Variants in HS3ST3A1 observed in about 807,000 individuals in gnomAD.
The protein encoded by HS3ST3A1 is heparan sulfate-glucosamine 3-sulfotransferase 3A1, also known as heparan sulfate glucosamine 3-O-sulfotransferase 3A1.
Under a neutral mutation model 25.7 loss-of-function variants are expected in HS3ST3A1, and 19 were observed. That is an observed-to-expected ratio of 0.74 (90% CI 0.52 to 1.08). The LOEUF is 1.08. Among genes scored for constraint, HS3ST3A1 ranks in the 50% least tolerant of loss-of-function variants. The pLI, the probability that HS3ST3A1 is intolerant of heterozygous loss-of-function variation, is 0.00. For missense variants in HS3ST3A1, 459 were observed against 594.3 expected (o/e 0.77, Z 2.37); for synonymous variants, 226 against 278.6 (o/e 0.81, Z 1.88).
At chr17:13,556,543 A>C (rs1051262325) in intron 1 of HS3ST3A1, among the ~76,000 whole-genome samples, 16 of 86,070 alleles carry the variant, frequency 1.9e-4, no homozygotes, top group African/African-American at 1.2e-3. Flanking sequence ...TAAAATAAAT[A>C]GATAAAAAAT....
chr17:13,598,915 A>G (rs1308141976), intron 1 of HS3ST3A1, among the ~76,000 whole-genome samples: 1 of 152,234 alleles, frequency 6.6e-6, no homozygotes, highest in East Asian at 1.9e-4. Context: ...ATAGCACCTC[A>G]GAGCCCAACA....
intron 1 of HS3ST3A1, among the ~76,000 whole-genome samples, chr17:13,533,409 A>C (rs1212887766): frequency 1.3e-5 from 2 of 152,134 alleles, no homozygotes; most frequent in East Asian, 1.9e-4. Context: ...CTTGTTTGGA[A>C]GGAGAAAGGT....
chr17:13,546,140 T>C (rs1907083507), intron 1 of HS3ST3A1, among the ~76,000 whole-genome samples: 1 of 152,174 alleles, frequency 6.6e-6, no homozygotes, highest in Middle Eastern at 3.2e-3. Context: ...GTGGACCAAC[T>C]CCTCACCACT....
intron 1 of HS3ST3A1, among the ~76,000 whole-genome samples, chr17:13,536,854 A>G (rs760700536): frequency 1.3e-5 from 2 of 152,142 alleles, no homozygotes; most frequent in Non-Finnish European, 2.9e-5. Flanking sequence ...TTTCTTTTTA[A>G]CAAGGATCCC....
intron 1 of HS3ST3A1, among the ~76,000 whole-genome samples, chr17:13,564,880 C>T (rs79211332): frequency 0.012 from 1,832 of 151,990 alleles, 38 homozygotes; most frequent in African/African-American, 0.041. Context: ...CATGCCACCA[C>T]CCGGCTAATT....
chr17:13,551,582 C>T (rs1245591846), intron 1 of HS3ST3A1, among the ~76,000 whole-genome samples: 2 of 139,504 alleles, frequency 1.4e-5, no homozygotes, highest in Admixed American at 1.5e-4. Context: ...TGGCTCTAAA[C>T]GATTTTCCCT....
chr17:13,564,694 G>C (rs937406687), intron 1 of HS3ST3A1, among the ~76,000 whole-genome samples: 11 of 147,566 alleles, frequency 7.5e-5, no homozygotes, highest in Admixed American at 2.0e-4. Context: ...AATGTCCCCT[G>C]TGCTTAGAAA....
At chr17:13,579,701 C>CAAAAAAAAA (rs543748713) in intron 1 of HS3ST3A1, among the ~76,000 whole-genome samples, 1 of 23,666 alleles carries the variant, frequency 4.2e-5, no homozygotes, top group African/African-American at 1.9e-4. Context: ...ACTCCATCTC[C>CAAAAAAAAA]AAAAAAAAAA....
At chr17:13,513,661 AT>A (rs1269849225) in intron 1 of HS3ST3A1, among the ~76,000 whole-genome samples, 5 of 152,246 alleles carry the variant, frequency 3.3e-5, no homozygotes, top group Non-Finnish European at 7.3e-5. Context: ...CATTCTTGTC[AT>A]TAATTACACA....
At chr17:13,496,998 G>A (rs1284908085) in intron 1 of HS3ST3A1, among the ~76,000 whole-genome samples, 180 bp from the exon 2 acceptor site, 60 of 152,096 alleles carry the variant, frequency 3.9e-4, no homozygotes, top group Admixed American at 3.9e-3. Flanking sequence ...TGTATTAAAC[G>A]GAGAATAATA....
At chr17:13,527,368 A>T (rs559673685) in intron 1 of HS3ST3A1, among the ~76,000 whole-genome samples, 2 of 152,296 alleles carry the variant, frequency 1.3e-5, no homozygotes, top group African/African-American at 4.8e-5. Flanking sequence ...GTCCAATTAT[A>T]CTTTTAAAAT....
At chr17:13,510,569 A>G (rs1183486707) in intron 1 of HS3ST3A1, among the ~76,000 whole-genome samples, 5 of 152,194 alleles carry the variant, frequency 3.3e-5, no homozygotes, top group Non-Finnish European at 7.3e-5. Flanking sequence ...TAGGTGCTAA[A>G]TCAATATGTC....
intron 1 of HS3ST3A1, among the ~76,000 whole-genome samples, chr17:13,528,922 G>T (rs974726482): frequency 6.6e-6 from 1 of 151,600 alleles, no homozygotes; most frequent in East Asian, 2.0e-4. Flanking sequence ...GTGGACGTGT[G>T]CAGTGGTCGG....
intron 1 of HS3ST3A1, among the ~76,000 whole-genome samples, chr17:13,567,486 A>G (rs1468618678): frequency 1.3e-5 from 2 of 152,238 alleles, no homozygotes; most frequent in East Asian, 1.9e-4. Flanking sequence ...GCTACCATAG[A>G]TAGTGATTCC....
chr17:13,498,131 C>A (rs1905340816), intron 1 of HS3ST3A1, among the ~76,000 whole-genome samples: 1 of 152,148 alleles, frequency 6.6e-6, no homozygotes, highest in Non-Finnish European at 1.5e-5. Flanking sequence ...CCCCAGCAGG[C>A]CAGTTAGATT....
intron 1 of HS3ST3A1, among the ~76,000 whole-genome samples, chr17:13,518,062 A>G (rs1906111641): frequency 6.6e-6 from 1 of 152,214 alleles, no homozygotes; most frequent in African/African-American, 2.4e-5. Context: ...GCTTGTAAAA[A>G]TGGAGGCATA....
At chr17:13,569,894 T>C (rs1392270012) in intron 1 of HS3ST3A1, among the ~76,000 whole-genome samples, 2 of 152,216 alleles carry the variant, frequency 1.3e-5, no homozygotes, top group African/African-American at 4.8e-5. Flanking sequence ...CCATCTAAAA[T>C]GGGTCTTTAA....
chr17:13,536,074 T>C (rs1189377380), intron 1 of HS3ST3A1, among the ~76,000 whole-genome samples: 2 of 152,190 alleles, frequency 1.3e-5, no homozygotes, highest in Non-Finnish European at 2.9e-5. Context: ...AGTCAAGTAA[T>C]ATGCTTGGGT....
At chr17:13,526,498 A>G (rs1271133777) in intron 1 of HS3ST3A1, among the ~76,000 whole-genome samples, 1 of 133,016 alleles carries the variant, frequency 7.5e-6, no homozygotes, top group African/African-American at 2.9e-5. Flanking sequence ...ATATATATAT[A>G]TATATATATA....
Sources: gnomAD v4.1 joint callset for allele counts (sites outside exome capture counted in the v4.1 genomes callset) on GRCh38, gnomAD v4.1.1 for gene constraint, MANE v1.5 for transcripts, NCBI Gene and HGNC (gene_info 2026-07-23, HGNC 2026-07-21) for gene names.